The following THADA variants were observed in gnomAD, a reference collection of about 807,000 sequenced individuals.
The protein encoded by THADA is THADA armadillo repeat containing, also known as tRNA (32-2'-O)-methyltransferase regulator THADA.
A neutral mutation model predicts 219.8 loss-of-function variants in THADA; 213 were observed. The ratio of observed to expected loss-of-function variants is 0.97; its 90% CI spans 0.87 to 1.09. The LOEUF (loss-of-function observed/expected upper bound fraction) is 1.09, where lower values mean the gene tolerates loss of function less well. Among genes scored for constraint, THADA ranks in the 50% least tolerant of loss-of-function variants. THADA has a pLI of 0.00. For synonymous variants in THADA, 1,018 were observed against 828.9 expected (o/e 1.23, Z -3.92); for missense variants, 2,956 against 2,311.3 (o/e 1.28, Z -5.72).
intron 30 of THADA, among the ~76,000 whole-genome samples, chr2:43,326,913 C>G (rs1015016861): frequency 5.3e-5 from 8 of 152,136 alleles, no homozygotes; most frequent in Admixed American, 6.5e-5. Context: ...TAGGTTGCTA[C>G]TGTCTGTTAA....
chr2:43,487,569 T>C (rs893083869), intron 25 of THADA, among the ~76,000 whole-genome samples: 7 of 152,228 alleles, frequency 4.6e-5, no homozygotes, highest in Admixed American at 6.5e-5. Flanking sequence ...CATCCTGATA[T>C]GGTCTGAATA....
chr2:43,472,403 T>C (rs889347323), intron 26 of THADA, among the ~76,000 whole-genome samples: 1 of 152,204 alleles, frequency 6.6e-6, no homozygotes, highest in Non-Finnish European at 1.5e-5. Context: ...TTTGCAACAA[T>C]TAAAAATTGA....
At chr2:43,376,955 A>G (rs1467669418) in intron 29 of THADA, among the ~76,000 whole-genome samples, 1 of 152,186 alleles carries the variant, frequency 6.6e-6, no homozygotes, top group East Asian at 1.9e-4. Flanking sequence ...CTCAGCCTCA[A>G]AAAATTCAGG....
chr2:43,461,113 A>C (rs1220914294), intron 26 of THADA, among the ~76,000 whole-genome samples: 1 of 152,208 alleles, frequency 6.6e-6, no homozygotes, highest in African/African-American at 2.4e-5. Context: ...ATGCCAAGCT[A>C]ATGAATTTGA....
chr2:43,430,505 A>C, intron 26 of THADA: 1 of 548,232 alleles, frequency 1.8e-6, no homozygotes, highest in Non-Finnish European at 3.3e-6. Context: ...CAATCCATGA[A>C]CTTTTATCTC....
Position 43,572,904 on chromosome 2 carries a change from AG to A in THADA, c.1817del (p.Ala606ValfsTer21). Reference protein sequence around the residue: ...ALMACLRIARAHGHLQSATDT... With the variant: ...ALMACLRIARXHGHLQSATDT... ...CAGTTGCAGACTGAAGATGTCCATGAGCTCTAGCTATTCGCAGACATGCCAT... is the reference window on the plus strand; with the variant it reads ...CAGTTGCAGACTGAAGATGTCCATGACTCTAGCTATTCGCAGACATGCCAT... On this transcript the variant is annotated frameshift_variant, in exon 12 of 38. Transcript: ENST00000405975. LOFTEE classifies it high-confidence loss of function. 3 of 1,613,974 alleles carry A rather than the reference AG, an allele frequency of 1.9e-6. No homozygotes were observed. The highest frequency in any genetic ancestry group is 2.5e-6 in the Non-Finnish European group (3 of 1,179,852).
chr2:43,235,611 G>T (rs976247667), intron 36 of THADA, among the ~76,000 whole-genome samples: 4 of 151,864 alleles, frequency 2.6e-5, no homozygotes, highest in Admixed American at 6.6e-5. Context: ...TTTTTTTATG[G>T]TCTCCTTAAG....
intron 7 of THADA, among the ~76,000 whole-genome samples, chr2:43,583,318 C>T (rs1700659686): frequency 6.6e-6 from 1 of 152,202 alleles, no homozygotes; most frequent in Admixed American, 6.5e-5. Context: ...GTTGGTTCTA[C>T]CTTCAAAATA....
In THADA at chr2:43,233,737, G is replaced by T. The variant is rs146628187; in HGVS notation, c.5297-855C>A. Among the ~76,000 whole-genome samples the T allele has an allele frequency of 2.3e-3, 345 of 152,108 alleles. 3 individuals are homozygous for T. The highest frequency in any genetic ancestry group is 8.0e-3 in the African/African-American group (332 of 41,486). ...TTGGCCTTAGACAATCCTAAATATGGGTTTGGAGGGAGGCTCAGGGGTGTT... is the reference window on the plus strand; with the variant it reads ...TTGGCCTTAGACAATCCTAAATATGTGTTTGGAGGGAGGCTCAGGGGTGTT... On this transcript the variant is annotated intron_variant, in intron 36 of 37. Transcript: ENST00000405975.
At chr2:43,240,583 C>A (rs930944397) in intron 36 of THADA, among the ~76,000 whole-genome samples, 2 of 152,200 alleles carry the variant, frequency 1.3e-5, no homozygotes, top group African/African-American at 2.4e-5. Flanking sequence ...AGAGCCCAGG[C>A]TCAGAGCTGG....
rs939554452 is a variant in THADA at position 43,576,168 on chromosome 2, A to G, written c.1037+854T>C. 4.6e-5 allele frequency among the ~76,000 whole-genome samples: 7 copies of G among 152,384 alleles called. No individual in the cohort carries two copies. The East Asian group carries it at 1.3e-3, about 29-fold the overall frequency. On this transcript the variant is annotated intron_variant, in intron 10 of 37. Transcript: ENST00000405975. ...TGGTGGTTGTACAACTCTGTGAATA[A>G]ACTAATAAACTGAATTGTACACTTC...
chr2:43,591,920 A>G, intron 3 of THADA, 32 bp downstream of exon 3: 1 of 1,401,326 alleles, frequency 7.1e-7, no homozygotes, highest in Non-Finnish European at 9.6e-7. Context: ...ATACTCTTAA[A>G]GATGCATCCA....
Position 43,590,854 on chromosome 2 carries a change from A to C in THADA, c.272T>G (p.Leu91Arg). Residue 91 changes from leucine to arginine, a missense_variant, in exon 4 of 38, where the codon CTA (leucine) becomes CGA (arginine). By Grantham distance (102) the Leu-to-Arg change is moderately radical. Transcript: ENST00000405975. ...ILAGIYLSLS[L>R]KNPLKKVLAS... Reference sequence around the variant, plus strand: ...CAATACTTTCTTCAAGGGATTCTTTAGACTCAAAGAAAGATAAATGCCTGC... The same window carrying C: ...CAATACTTTCTTCAAGGGATTCTTTCGACTCAAAGAAAGATAAATGCCTGC... 6.2e-7 allele frequency: 1 copy of C among 1,613,724 alleles called. No individual in the cohort carries two copies. Among genetic ancestry groups the C allele is most frequent in the Admixed American group, 1.7e-5 (1 of 59,998 alleles).
intron 26 of THADA, among the ~76,000 whole-genome samples, chr2:43,433,808 C>T (rs1253620146): frequency 2.0e-5 from 3 of 152,100 alleles, no homozygotes; most frequent in African/African-American, 7.2e-5. Flanking sequence ...GTGCCTCAGC[C>T]TCCTGAGTAG....
At chr2:43,326,683 C>T (rs985126747) in intron 30 of THADA, among the ~76,000 whole-genome samples, 9 of 152,002 alleles carry the variant, frequency 5.9e-5, no homozygotes, top group Non-Finnish European at 1.0e-4. Flanking sequence ...AACAGGGGCC[C>T]GAAACAGAAG....
chr2:43,560,576 C>T (rs1027536238), intron 15 of THADA, among the ~76,000 whole-genome samples, 191 bp from the exon 16 acceptor site: 3 of 152,000 alleles, frequency 2.0e-5, no homozygotes, highest in Non-Finnish European at 4.4e-5. Flanking sequence ...TACAGTTCTC[C>T]AAATTAAAAA....
intron 26 of THADA, among the ~76,000 whole-genome samples, chr2:43,480,772 C>G (rs1686107910): frequency 6.6e-6 from 1 of 151,014 alleles, no homozygotes; most frequent in African/African-American, 2.4e-5. Flanking sequence ...GAGTTGAGAT[C>G]CTGCCATTCA....
chr2:43,343,478 C>T (rs934576225), intron 30 of THADA: 4 of 152,224 alleles, frequency 2.6e-5, no homozygotes, highest in African/African-American at 9.7e-5. Context: ...CCTACCACCA[C>T]CAGAGTCCTG....
chr2:43,238,864 T>C (rs1276209906), intron 36 of THADA, among the ~76,000 whole-genome samples: 2 of 152,152 alleles, frequency 1.3e-5, no homozygotes, highest in Admixed American at 1.3e-4. Flanking sequence ...AGGTGCTCAG[T>C]GGAGTGGTTC....
Sources: gnomAD v4.1 joint callset for allele counts (sites outside exome capture counted in the v4.1 genomes callset) on GRCh38, gnomAD v4.1.1 for gene constraint, MANE v1.5 for transcripts, NCBI Gene and HGNC (gene_info 2026-07-23, HGNC 2026-07-21) for gene names.